NRXN1: variants seen among roughly 807,000 people sequenced by gnomAD.
NRXN1 encodes neurexin 1, also known as neurexin-1.
NRXN1 carries 39 observed loss-of-function variants against 150.9 expected under a neutral mutation model. That is an observed-to-expected ratio of 0.26 (90% confidence interval 0.20 to 0.34). NRXN1 has a LOEUF of 0.34. Among genes scored for constraint, NRXN1 ranks in the 10% least tolerant of loss-of-function variants. The pLI, the probability that NRXN1 is intolerant of heterozygous loss-of-function variation, is 1.00. For synonymous variants in NRXN1, 924 were observed against 757.0 expected, an observed-to-expected ratio of 1.22 and a Z score of -3.62; for missense variants, 1,815 against 1,949.9, an observed-to-expected ratio of 0.93 and a Z score of 1.30.
At chr2:50,718,201 G>T (rs1696114709) in intron 5 of NRXN1, among the ~76,000 whole-genome samples, 1 of 152,086 alleles carries the variant, frequency 6.6e-6, no homozygotes, top group Admixed American at 6.5e-5. Flanking sequence ...TCCTCTCTTT[G>T]GGACTTTTAT....
chr2:50,964,441 TG>T (rs1558501033), intron 2 of NRXN1, among the ~76,000 whole-genome samples: 1 of 151,500 alleles, frequency 6.6e-6, no homozygotes, highest in Non-Finnish European at 1.5e-5. Context: ...AATTAAAAGA[TG>T]TAACTATTTA....
At chr2:50,304,787 C>A (rs570004287) in intron 17 of NRXN1, among the ~76,000 whole-genome samples, 1 of 152,166 alleles carries the variant, frequency 6.6e-6, no homozygotes, top group East Asian at 1.9e-4. Context: ...GTTCATCCTC[C>A]ATTAATATAA....
chr2:50,696,044 T>C (rs891326614), intron 5 of NRXN1: 4 of 152,098 alleles, frequency 2.6e-5, no homozygotes, highest in African/African-American at 7.2e-5. Context: ...GGTTTCACCA[T>C]GTTGGGCAGG....
chr2:50,468,552 G>T (rs534830449), intron 16 of NRXN1, among the ~76,000 whole-genome samples: 1 of 147,234 alleles, frequency 6.8e-6, no homozygotes, highest in South Asian at 2.2e-4. Flanking sequence ...TTAGGAAAAA[G>T]CTACAAGGAC....
At chr2:50,318,205 T>C (rs140144328) in intron 17 of NRXN1, among the ~76,000 whole-genome samples, 13 of 152,186 alleles carry the variant, frequency 8.5e-5, no homozygotes, top group Non-Finnish European at 1.8e-4. Context: ...CAGAAACATA[T>C]GAAGACATGT....
chr2:49,991,947 A>T (rs988038642), intron 21 of NRXN1, among the ~76,000 whole-genome samples: 4 of 152,254 alleles, frequency 2.6e-5, no homozygotes, highest in African/African-American at 9.6e-5. Context: ...AAATATAATC[A>T]ACTGATCTTT....
At chr2:50,928,076 T>C (rs1048796563) in intron 2 of NRXN1, among the ~76,000 whole-genome samples, 3 of 151,990 alleles carry the variant, frequency 2.0e-5, no homozygotes, top group African/African-American at 7.2e-5. Context: ...CTAGCATTTT[T>C]TTCTGAATTC....
intron 17 of NRXN1, among the ~76,000 whole-genome samples, chr2:50,402,171 G>C (rs1004290535): frequency 1.3e-5 from 2 of 152,072 alleles, no homozygotes; most frequent in African/African-American, 4.8e-5. Context: ...AAATAAAGGT[G>C]ACAAACATTT....
At chr2:50,169,290 T>C (rs2059872450) in intron 18 of NRXN1, among the ~76,000 whole-genome samples, 1 of 152,156 alleles carries the variant, frequency 6.6e-6, no homozygotes, top group Non-Finnish European at 1.5e-5. Context: ...CACTCTATTG[T>C]AGCTATTGTG....
At chr2:50,358,543 T>G (rs1207804547) in intron 17 of NRXN1, among the ~76,000 whole-genome samples, 1 of 152,196 alleles carries the variant, frequency 6.6e-6, no homozygotes, top group East Asian at 1.9e-4. Flanking sequence ...TCCTGCCCTC[T>G]GGGCAGGACA....
At chr2:50,983,528 A>G (rs1386046699) in intron 2 of NRXN1, among the ~76,000 whole-genome samples, 1 of 152,054 alleles carries the variant, frequency 6.6e-6, no homozygotes, top group African/African-American at 2.4e-5. Flanking sequence ...TTCTTCCTAT[A>G]CTAGGGATCT....
intron 5 of NRXN1, among the ~76,000 whole-genome samples, chr2:50,864,646 C>T (rs1446745971): frequency 6.6e-6 from 1 of 152,036 alleles, no homozygotes; most frequent in Non-Finnish European, 1.5e-5. Context: ...ATATTCATTT[C>T]TCCTGCGAAG....
At chr2:51,004,809 C>T (rs929905310) in intron 2 of NRXN1, among the ~76,000 whole-genome samples, 1 of 151,936 alleles carries the variant, frequency 6.6e-6, no homozygotes, top group Non-Finnish European at 1.5e-5. Context: ...GGAGAATTTT[C>T]TTGTGCCAAG....
chr2:50,938,035 TG>T (rs1418373768), intron 2 of NRXN1, among the ~76,000 whole-genome samples: 1 of 152,100 alleles, frequency 6.6e-6, no homozygotes, highest in Non-Finnish European at 1.5e-5. Flanking sequence ...TAGGTATTTG[TG>T]CATTTAAACA....
intron 5 of NRXN1, among the ~76,000 whole-genome samples, chr2:50,805,993 T>G (rs1367931739): frequency 1.3e-5 from 2 of 152,238 alleles, no homozygotes; most frequent in Non-Finnish European, 2.9e-5. Context: ...ATATTCATCC[T>G]TTAAGTACGC....
intron 17 of NRXN1, among the ~76,000 whole-genome samples, chr2:50,414,697 G>T (rs1294367147): frequency 1.3e-5 from 2 of 151,910 alleles, no homozygotes; most frequent in East Asian, 1.9e-4. Context: ...AAGCTTAAAA[G>T]AAAAATTTAA....
intron 18 of NRXN1, among the ~76,000 whole-genome samples, chr2:50,198,791 C>G (rs2061943212): frequency 6.6e-6 from 1 of 152,074 alleles, no homozygotes; most frequent in African/African-American, 2.4e-5. Context: ...TTGAATATTG[C>G]ATGGTTTCTT....
intron 15 of NRXN1, among the ~76,000 whole-genome samples, chr2:50,494,634 A>C (rs2104892771): frequency 6.6e-6 from 1 of 152,322 alleles, no homozygotes; most frequent in African/African-American, 2.4e-5. Context: ...TTATATGTTG[A>C]GCAAATAAAG....
At chr2:50,430,494 T>C (rs2084877735) in intron 17 of NRXN1, among the ~76,000 whole-genome samples, 1 of 152,226 alleles carries the variant, frequency 6.6e-6, no homozygotes, top group African/African-American at 2.4e-5. Context: ...TATCTGGTTT[T>C]TAATTTTAAT....
Sources: gnomAD v4.1 joint callset for allele counts (sites outside exome capture counted in the v4.1 genomes callset) on GRCh38, gnomAD v4.1.1 for gene constraint, MANE v1.5 for transcripts, NCBI Gene and HGNC (gene_info 2026-07-23, HGNC 2026-07-21) for gene names.